The following TUBGCP4 variants were observed in gnomAD, a reference collection of about 807,000 sequenced individuals.
TUBGCP4 encodes gamma-tubulin complex component 4.
TUBGCP4 carries 54 observed loss-of-function variants against 91.6 expected under a neutral mutation model. The observed-to-expected ratio is 0.59, with a 90% CI of 0.47 to 0.74. The LOEUF is 0.74. TUBGCP4 is among the 30% of genes least tolerant of loss of function. The probability of loss-of-function intolerance (pLI) is 0.00; values close to 1 mark genes in which losing one functional copy is unlikely to be tolerated. For missense variants in TUBGCP4, 593 were observed against 800.9 expected (o/e 0.74, Z 3.13); for synonymous variants, 297 against 302.8 (o/e 0.98, Z 0.20).
At position 43,392,928 on chromosome 15, in the gene TUBGCP4, C is replaced by G. The variant is rs188251816; in HGVS notation, c.1015-2179C>G. Reference sequence around the variant, plus strand: ...AACCTTTCTGTGTGCTTTCATCCCACTCTTCCTACCCTGACAGTCCCCAAG... The same window carrying G: ...AACCTTTCTGTGTGCTTTCATCCCAGTCTTCCTACCCTGACAGTCCCCAAG... On this transcript the variant is annotated intron_variant, in intron 9 of 17. Coordinates refer to ENST00000564079, the MANE Select transcript of TUBGCP4 (RefSeq NM_014444.5). 4.4e-3 allele frequency among the ~76,000 whole-genome samples: 671 copies of G among 152,302 alleles called. 4 individuals are homozygous for G. Among genetic ancestry groups the G allele is most frequent in the African/African-American group, 0.015 (622 of 41,552 alleles).
intron 15 of TUBGCP4, chr15:43,402,354 T>C (rs1489662509): frequency 6.5e-6 from 1 of 153,312 alleles, no homozygotes; most frequent in Non-Finnish European, 1.5e-5. Flanking sequence ...CTAAGATGTC[T>C]TTGAATTTCT....
chr15:43,376,688 T>G (rs2044210697), intron 3 of TUBGCP4, 63 bp downstream of exon 3: 1 of 1,602,862 alleles, frequency 6.2e-7, no homozygotes, highest in Non-Finnish European at 8.5e-7. Flanking sequence ...TTCTTGAATC[T>G]GAAATGCCCT....
chr15:43,405,287 T>G lies in TUBGCP4; in HGVS notation c.*73T>G, dbSNP rs2044831778. ...TAACAGAAGATTCAAAACATCCCAT[T>G]CTAGCCACACACAAATAAATATCTG... is the stretch of plus-strand genomic sequence containing the variant. On this transcript the variant is annotated 3_prime_UTR_variant, in exon 18 of 18. Transcript: ENST00000564079. 6.5e-7 allele frequency: 1 copy of G among 1,532,410 alleles called. No individual in the cohort carries two copies. Among genetic ancestry groups the G allele is most frequent in the African/African-American group, 1.4e-5 (1 of 73,250 alleles). The allele number at this position is 1,532,410 out of a possible 1,614,324, so 94.9% of individuals were successfully genotyped here.
At chr15:43,388,319 C>T (rs554040606) in intron 9 of TUBGCP4, among the ~76,000 whole-genome samples, 15 of 152,306 alleles carry the variant, frequency 9.8e-5, no homozygotes, top group Admixed American at 9.8e-4. Flanking sequence ...AATATGGTTT[C>T]CCTTTCTAGT....
chr15:43,398,008 C>T (rs2044609911), intron 12 of TUBGCP4, 33 bp from the exon 13 acceptor site: 2 of 1,588,526 alleles, frequency 1.3e-6, no homozygotes, highest in East Asian at 4.5e-5. Context: ...AAGTTGTTAT[C>T]TTTTCTTTTT....
rs186359347 is a variant in TUBGCP4 at position 43,396,719 on chromosome 15, T to A, written c.1172-495T>A. 2.0e-3 allele frequency among the ~76,000 whole-genome samples: 306 copies of A among 152,296 alleles called. 1 individual carries two copies. Among genetic ancestry groups the A allele is most frequent in the Admixed American group, 5.0e-3 (77 of 15,298 alleles). On this transcript the variant is annotated intron_variant, in intron 11 of 17. Transcript: ENST00000564079. ...ACCTTTAGGACTTGGTCTCTTTCCA[T>A]CTTCTACCTCTTTCTTCTCAGACAG... is the stretch of plus-strand genomic sequence containing the variant.
In TUBGCP4 at chr15:43,404,569, G is replaced by C. The variant is rs766952166; in HGVS notation, c.1988+17G>C. On this transcript the variant is annotated intron_variant, in intron 17 of 17. Transcript: ENST00000564079. ...TCTGGGCAGGTAGGAGCAACCCTTGGGTAACTCAGTAGACTTTTTAAGGTG... is the reference window on the plus strand; with the variant it reads ...TCTGGGCAGGTAGGAGCAACCCTTGCGTAACTCAGTAGACTTTTTAAGGTG... The C allele has an allele frequency of 3.7e-6, 6 of 1,612,724 alleles. No individual in the cohort carries two copies. The highest frequency in any genetic ancestry group is 5.1e-6 in the Non-Finnish European group (6 of 1,179,394).
chr15:43,378,385 T>C (rs1268804593), intron 5 of TUBGCP4, among the ~76,000 whole-genome samples: 1 of 152,226 alleles, frequency 6.6e-6, no homozygotes, highest in African/African-American at 2.4e-5. Context: ...TAGGAGAATG[T>C]CTTTCTGGGC....
Position 43,386,253 on chromosome 15 carries a change from C to A in TUBGCP4, c.937C>A (p.Arg313Ser). ...QEDTFAAELH[R>S]LKQQPLFSLV... ...AGACACTTTTGCTGCAGAGCTGCAC[C>A]GTCTCAAGCAGCAGCCACTCTTCAG... Residue 313 changes from arginine to serine, a missense_variant, in exon 9 of 18, where the codon CGT becomes AGT. Arg to Ser is a moderately radical substitution (Grantham distance 110). Transcript: ENST00000564079. 6.2e-7 allele frequency: 1 copy of A among 1,602,670 alleles called. No individual in the cohort carries two copies. Among genetic ancestry groups the A allele is most frequent in the South Asian group, 1.1e-5 (1 of 90,568 alleles).
At chr15:43,396,388 G>C (rs981143701) in intron 11 of TUBGCP4, among the ~76,000 whole-genome samples, 7 of 152,170 alleles carry the variant, frequency 4.6e-5, no homozygotes, top group Non-Finnish European at 7.3e-5. Flanking sequence ...TCTACCCCTT[G>C]ACCCACTGAT....
chr15:43,398,228 T>G (rs1461479115), intron 13 of TUBGCP4, 49 bp downstream of exon 13: 3 of 1,582,926 alleles, frequency 1.9e-6, no homozygotes, highest in Middle Eastern at 1.7e-4. Context: ...ACCTTACTTG[T>G]AAGGGAAGAA....
intron 9 of TUBGCP4, among the ~76,000 whole-genome samples, chr15:43,392,075 TACACACACAC>T (rs3986231): frequency 0.012 from 1,648 of 133,176 alleles, 38 homozygotes; most frequent in African/African-American, 0.04. Flanking sequence ...AAAATAGAGA[TACACACACAC>T]ACACACACAC....
chr15:43,376,879 C>T (rs934016717), intron 3 of TUBGCP4, 135 bp from the exon 4 acceptor site: 2 of 907,720 alleles, frequency 2.2e-6, no homozygotes, highest in Admixed American at 2.5e-5. Context: ...GATTAATAAC[C>T]TGATTAAATT....
At chr15:43,386,101 G>C in intron 8 of TUBGCP4, 105 bp from the exon 9 acceptor site, 4 of 1,526,740 alleles carry the variant, frequency 2.6e-6, no homozygotes, top group Non-Finnish European at 3.5e-6. Context: ...GTTTGTCTGA[G>C]AAGCAGGTGA....
At position 43,408,869 on chromosome 15, in the gene TUBGCP4, C is replaced by G. The variant is rs1214624222; in HGVS notation, c.*3655C>G. On this transcript the variant is annotated 3_prime_UTR_variant, in exon 18 of 18. Coordinates refer to ENST00000564079, the MANE Select transcript of TUBGCP4 (RefSeq NM_014444.5). ...AAAGCTTGCTGTCCTCCTGCCTATA[C>G]AATTCTGGATGGGCTTCAAATACTT... 2 of 1,611,510 alleles carry G rather than the reference C, an allele frequency of 1.2e-6. No homozygotes were observed. Among genetic ancestry groups the G allele is most frequent in the Non-Finnish European group, 8.5e-7 (1 of 1,177,850 alleles).
At chr15:43,384,153 CCATATT>C (rs2044323666) in intron 7 of TUBGCP4, among the ~76,000 whole-genome samples, 1 of 152,082 alleles carries the variant, frequency 6.6e-6, no homozygotes, top group South Asian at 2.1e-4. Flanking sequence ...TCTACATTGT[CCATATT>C]CATCCATTCA....
intron 16 of TUBGCP4, chr15:43,404,176 T>C: frequency 1.8e-6 from 1 of 551,690 alleles, no homozygotes; most frequent in Non-Finnish European, 3.2e-6. Context: ...ATACATTAAC[T>C]GGAAACCAGC....
At chr15:43,393,814 T>C (rs1419940941) in intron 9 of TUBGCP4, among the ~76,000 whole-genome samples, 1 of 152,166 alleles carries the variant, frequency 6.6e-6, no homozygotes, top group African/African-American at 2.4e-5. Context: ...CCATGGTGTA[T>C]ATGTGCCACA....
intron 2 of TUBGCP4, 96 bp from the exon 3 acceptor site, chr15:43,376,403 GGTTT>G (rs2044205318): frequency 3.1e-6 from 5 of 1,609,200 alleles, no homozygotes. Context: ...GCCTCTAATT[GGTTT>G]GTTTGTATAA....
Sources: gnomAD v4.1 joint callset for allele counts (sites outside exome capture counted in the v4.1 genomes callset) on GRCh38, gnomAD v4.1.1 for gene constraint, MANE v1.5 for transcripts, NCBI Gene and HGNC (gene_info 2026-07-23, HGNC 2026-07-21) for gene names.